Variants in STXBP4 observed in about 807,000 individuals in gnomAD.
The protein encoded by STXBP4 is syntaxin-binding protein 4.
In STXBP4, 55 loss-of-function variants were observed where a neutral mutation model predicts 76.1. The observed-to-expected ratio is 0.72, with a 90% CI of 0.58 to 0.91. The LOEUF is 0.91. Among genes scored for constraint, STXBP4 ranks in the 40% least tolerant of loss-of-function variants. STXBP4 has a pLI of 0.00. For synonymous variants in STXBP4, 201 were observed against 220.2 expected (o/e 0.91, Z 0.77); for missense variants, 618 against 636.9 (o/e 0.97, Z 0.32).
chr17:55,048,742 G>T (rs970866331), intron 12 of STXBP4, among the ~76,000 whole-genome samples: 1 of 151,826 alleles, frequency 6.6e-6, no homozygotes, highest in African/African-American at 2.4e-5. Context: ...ATATAATCAA[G>T]TGAAAAGGCA....
chr17:55,066,217 T>C (rs1045770901), intron 12 of STXBP4, among the ~76,000 whole-genome samples: 1 of 151,948 alleles, frequency 6.6e-6, no homozygotes, highest in Admixed American at 6.6e-5. Flanking sequence ...TGTTTTGTTT[T>C]GTTTTGTTTT....
At chr17:55,055,845 C>T (rs758661525) in intron 12 of STXBP4, among the ~76,000 whole-genome samples, 24 of 152,192 alleles carry the variant, frequency 1.6e-4, no homozygotes, top group Non-Finnish European at 3.2e-4. Context: ...TACTATCTTA[C>T]ATCTTAAATA....
At chr17:55,035,270 T>C (rs1416462696) in intron 10 of STXBP4, among the ~76,000 whole-genome samples, 1 of 151,948 alleles carries the variant, frequency 6.6e-6, no homozygotes, top group African/African-American at 2.4e-5. Context: ...ATTGGATATA[T>C]AAATACATAT....
chr17:55,137,075 A>G (rs1158136311), intron 16 of STXBP4, among the ~76,000 whole-genome samples: 2 of 152,122 alleles, frequency 1.3e-5, no homozygotes, highest in African/African-American at 2.4e-5. Flanking sequence ...TGACAAATCT[A>G]TTTATATAGA....
intron 17 of STXBP4, among the ~76,000 whole-genome samples, chr17:55,149,762 A>G (rs1319664235): frequency 6.6e-6 from 1 of 152,196 alleles, no homozygotes; most frequent in Non-Finnish European, 1.5e-5. Flanking sequence ...CAGCTTGCTC[A>G]GGATTTTCTG....
intron 10 of STXBP4, among the ~76,000 whole-genome samples, chr17:55,040,421 G>T (rs2078678372): frequency 6.6e-6 from 1 of 152,054 alleles, no homozygotes; most frequent in Non-Finnish European, 1.5e-5. Flanking sequence ...AGGAAAGAAG[G>T]TAATTGAATA....
At chr17:54,999,942 T>C (rs1598181012) in intron 6 of STXBP4, 100 bp downstream of exon 6, 2 of 856,132 alleles carry the variant, frequency 2.3e-6, no homozygotes, top group East Asian at 2.8e-5. Flanking sequence ...TCAGTAAAAT[T>C]GTTAACAAAT....
intron 17 of STXBP4, among the ~76,000 whole-genome samples, 185 bp downstream of exon 17, chr17:55,141,552 G>GA (rs1053126110): frequency 3.3e-5 from 5 of 152,042 alleles, no homozygotes; most frequent in East Asian, 1.9e-4. Flanking sequence ...TCATTTGGGG[G>GA]AAAAAACCTG....
At position 55,078,199 on chromosome 17, in the gene STXBP4, G is replaced by A. The variant is rs2079210611; in HGVS notation, c.1305+5G>A. ...AAGCTTCTTCATTTTGTAGAGGTAAGTTTTTCTGTTCTATTACATTCATCT... is the reference window on the plus strand; with the variant it reads ...AAGCTTCTTCATTTTGTAGAGGTAAATTTTTCTGTTCTATTACATTCATCT... On this transcript the variant is annotated splice_donor_5th_base_variant and intron_variant, in intron 14 of 17. Transcript: ENST00000376352. The A allele has an allele frequency of 1.3e-6, 2 of 1,580,060 alleles. No homozygotes were observed. Among genetic ancestry groups the A allele is most frequent in the African/African-American group, 1.4e-5 (1 of 73,576 alleles).
At position 55,172,325 on chromosome 17, in the gene STXBP4, C is replaced by G. The variant is rs999562012; in HGVS notation, c.*12414C>G. ...AACCCTGACTCTCTGAGAATAGGAC[C>G]CTGGCACCTGTGTTTTAAGGATTCT... is the stretch of plus-strand genomic sequence containing the variant. On this transcript the variant is annotated 3_prime_UTR_variant, in exon 18 of 18. Transcript: ENST00000376352. The G allele has an allele frequency of 3.9e-5, 6 of 152,220 alleles. No homozygotes were observed. Among genetic ancestry groups the G allele is most frequent in the African/African-American group, 1.2e-4 (5 of 41,444 alleles). The allele number at this position is 152,220 out of a possible 1,614,324, so 9.4% of individuals were successfully genotyped here. A position where few individuals can be genotyped will look rare whatever the true frequency, so the allele number is the denominator to read the frequency against.
chr17:55,145,717 C>CTG (rs1198704224), intron 17 of STXBP4, among the ~76,000 whole-genome samples: 5 of 149,062 alleles, frequency 3.4e-5, no homozygotes, highest in Admixed American at 2.7e-4. Flanking sequence ...ACATATATCT[C>CTG]TGTGTGTGTG....
chr17:55,084,710 T>G (rs1598297329), intron 16 of STXBP4, among the ~76,000 whole-genome samples: 1 of 152,092 alleles, frequency 6.6e-6, no homozygotes, highest in South Asian at 2.1e-4. Context: ...GGCTAGCCAG[T>G]TTTCCCAGCA....
intron 12 of STXBP4, 125 bp from the exon 13 acceptor site, chr17:55,072,771 GATAA>G (rs1193700882): frequency 8.5e-5 from 53 of 622,750 alleles, no homozygotes; most frequent in African/African-American, 8.4e-4. Flanking sequence ...TTTTCAAATT[GATAA>G]ATAAATAATA....
chr17:55,080,527 G>A (rs1567752505), intron 15 of STXBP4, among the ~76,000 whole-genome samples: 2 of 151,706 alleles, frequency 1.3e-5, no homozygotes, highest in South Asian at 2.1e-4. Flanking sequence ...TTCATTTTAG[G>A]TGACATTTGC....
At position 55,125,392 on chromosome 17, in the gene STXBP4, C is replaced by T. The variant is rs1379804408; in HGVS notation, c.1490-15918C>T. Among the ~76,000 whole-genome samples, 4 of 145,074 alleles carry T rather than the reference C, an allele frequency of 2.8e-5. No homozygotes were observed. The South Asian group carries it at 6.5e-4, about 24-fold the overall frequency. The stretch of plus-strand genomic sequence containing the variant: ...CTTTTCACTCAAAAATTCTATGCAT[C>T]TGAGAGTTCCACTTCCAGTAAGGCT... On this transcript the variant is annotated intron_variant, in intron 16 of 17. Transcript: ENST00000376352.
At chr17:55,069,930 T>C (rs2144859755) in intron 12 of STXBP4, among the ~76,000 whole-genome samples, 1 of 152,176 alleles carries the variant, frequency 6.6e-6, no homozygotes, top group Non-Finnish European at 1.5e-5. Context: ...TCCTGCCCTT[T>C]CTCTTTAGAG....
intron 16 of STXBP4, among the ~76,000 whole-genome samples, chr17:55,099,601 G>T (rs2079539164): frequency 6.6e-6 from 1 of 152,150 alleles, no homozygotes; most frequent in Non-Finnish European, 1.5e-5. Context: ...TACAAATGTG[G>T]TCTGTCATTG....
At chr17:55,043,181 C>A in intron 10 of STXBP4, 55 bp from the exon 11 acceptor site, 1 of 838,496 alleles carries the variant, frequency 1.2e-6, no homozygotes, top group South Asian at 2.9e-5. Flanking sequence ...TTTATGTTAC[C>A]TCTCATAATT....
chr17:55,129,313 C>A (rs912031670), intron 16 of STXBP4, among the ~76,000 whole-genome samples: 1 of 151,814 alleles, frequency 6.6e-6, no homozygotes, highest in South Asian at 2.1e-4. Context: ...CCCTCTTTTT[C>A]TTTGATCATT....
Sources: allele counts gnomAD v4.1 joint callset (sites outside exome capture counted in the v4.1 genomes callset), GRCh38; gene constraint gnomAD v4.1.1; transcripts MANE v1.5; gene names NCBI Gene and HGNC (gene_info 2026-07-23, HGNC 2026-07-21).